TENM2: variants seen among roughly 807,000 people sequenced by gnomAD.
TENM2 encodes the protein teneurin-2.
TENM2 carries 52 observed loss-of-function variants against 245.2 expected under a neutral mutation model. That is an observed-to-expected ratio of 0.21 (90% CI 0.17 to 0.27). The LOEUF (loss-of-function observed/expected upper bound fraction) is 0.27. Ranked by LOEUF, TENM2 falls within the 10% of genes least tolerant of loss-of-function variation. The pLI, the probability that TENM2 is intolerant of heterozygous loss-of-function variation, is 1.00. For synonymous variants in TENM2, 1,363 were observed against 1,438.9 expected (o/e 0.95, Z 1.19); for missense variants, 3,046 against 3,666.8 (o/e 0.83, Z 4.37).
chr5:168,049,955 A>G (rs929275484), intron 6 of TENM2, among the ~76,000 whole-genome samples: 2 of 152,104 alleles, frequency 1.3e-5, no homozygotes, highest in Admixed American at 1.3e-4. Flanking sequence ...GGCATGTGCC[A>G]CCACGCCTGG....
rs547952299 is a variant in TENM2, at chr5:167,874,915, A to G, written c.503-1071A>G. ...CGAAAACCACAGTTATGGTGTCCCA[A>G]AAACCACATAATGAAGAGGGTGGGG... is the stretch of plus-strand genomic sequence containing the variant. On this transcript the variant is annotated intron_variant, in intron 2 of 28. Transcript: ENST00000518659. Among the ~76,000 whole-genome samples the G allele has an allele frequency of 1.1e-4, 16 of 152,322 alleles. No individual in the cohort carries two copies. In the South Asian group the frequency reaches 3.1e-3, roughly 30 times the overall value.
chr5:167,991,681 C>T lies in TENM2; in HGVS notation c.948-1263C>T, dbSNP rs141829991. ...GTTGTCACACCACAGCTCTGGCTAA[C>T]ACGGACACCTTATTCAATTGATAGG... On this transcript the variant is annotated intron_variant, in intron 4 of 28. Transcript: ENST00000518659. 7.5e-3 allele frequency among the ~76,000 whole-genome samples: 1,146 copies of T among 152,296 alleles called. 4 individuals carry two copies. Among genetic ancestry groups the T allele is most frequent in the Admixed American group, 0.012 (190 of 15,298 alleles).
At chr5:167,168,828 T>G in the TENM2 span, among the ~76,000 whole-genome samples, 1 of 152,184 alleles carries the variant, frequency 6.6e-6, no homozygotes, top group Non-Finnish European at 1.5e-5. Context: ...GGCACCGTCT[T>G]GGCTCACTGC....
chr5:167,702,799 G>C (rs1758254321), intron 2 of TENM2, among the ~76,000 whole-genome samples: 1 of 151,878 alleles, frequency 6.6e-6, no homozygotes, highest in Non-Finnish European at 1.5e-5. Context: ...CAAGTAGCTG[G>C]GATTACAGGC....
At chr5:167,787,365 G>A (rs1354146319) in intron 2 of TENM2, among the ~76,000 whole-genome samples, 1 of 152,192 alleles carries the variant, frequency 6.6e-6, no homozygotes, top group African/African-American at 2.4e-5. Flanking sequence ...GCAAATGAAA[G>A]AATTCTGACT....
the TENM2 span, among the ~76,000 whole-genome samples, chr5:167,029,292 C>G: frequency 0.45 from 68,946 of 151,910 alleles, 15,948 homozygotes; most frequent in Admixed American, 0.58. Context: ...AGATCCTTGA[C>G]CTGTACTATT....
At chr5:168,216,592 C>G (rs1763219597) in intron 21 of TENM2, among the ~76,000 whole-genome samples, 176 bp from the exon 24 acceptor site, 1 of 152,078 alleles carries the variant, frequency 6.6e-6, no homozygotes, top group African/African-American at 2.4e-5. Context: ...AGCACAGTGC[C>G]CATGGGAAAG....
chr5:168,144,201 T>C (rs1441469019), intron 12 of TENM2, among the ~76,000 whole-genome samples: 1 of 152,090 alleles, frequency 6.6e-6, no homozygotes. Flanking sequence ...TTATTATACT[T>C]TAAGTTTTAG....
At chr5:168,208,098 A>G (rs904965011) in intron 19 of TENM2, among the ~76,000 whole-genome samples, 2 of 152,102 alleles carry the variant, frequency 1.3e-5, no homozygotes, top group Non-Finnish European at 2.9e-5. Flanking sequence ...TATAGGGGGA[A>G]TTTCTCTCAT....
intron 2 of TENM2, among the ~76,000 whole-genome samples, chr5:167,641,211 T>C (rs565376584): frequency 3.3e-5 from 5 of 152,204 alleles, no homozygotes; most frequent in South Asian, 2.1e-4. Flanking sequence ...TAAAAGTTAA[T>C]ACTGCCTCAA....
At chr5:168,260,395 A>T (rs1768075293) in exon 28 of TENM2, 1 of 1,613,862 alleles carries the variant, frequency 6.2e-7, no homozygotes, top group African/African-American at 1.3e-5. Context: ...CAGAGAGTCA[A>T]GCAAGTGAGA....
chr5:168,162,783 G>A (rs921828386), intron 13 of TENM2, 26 bp downstream of exon 15: 1 of 1,610,764 alleles, frequency 6.2e-7, no homozygotes, highest in African/African-American at 1.3e-5. Context: ...CTCATTCCCA[G>A]CCCCTAAGAG....
Position 167,843,566 on chromosome 5 carries a change from T to G in TENM2, c.503-32420T>G, listed in dbSNP as rs116242731. On this transcript the variant is annotated intron_variant, in intron 2 of 28. Transcript: ENST00000518659. ...GTATTCTTAATATTTGTAGGGTTGG[T>G]GGGGGAGGGGGTACAAAATAATATT... 6.1e-3 allele frequency among the ~76,000 whole-genome samples: 931 copies of G among 152,128 alleles called. 7 individuals carry two copies. The highest frequency in any genetic ancestry group is 0.022 in the African/African-American group (892 of 41,474).
intron 7 of TENM2, among the ~76,000 whole-genome samples, chr5:168,088,877 C>G (rs1336770336): frequency 3.3e-5 from 5 of 152,120 alleles, no homozygotes; most frequent in African/African-American, 1.2e-4. Context: ...TAGGAGATTC[C>G]TGGAGTTTCA....
intron 2 of TENM2, among the ~76,000 whole-genome samples, chr5:167,528,190 A>C (rs903412619): frequency 6.6e-6 from 1 of 152,204 alleles, no homozygotes; most frequent in Non-Finnish European, 1.5e-5. Flanking sequence ...GCAGTGTGAC[A>C]GTCGTGTGCA....
At chr5:167,243,700 G>A in the TENM2 span, among the ~76,000 whole-genome samples, 1 of 151,994 alleles carries the variant, frequency 6.6e-6, no homozygotes, top group South Asian at 2.1e-4. Flanking sequence ...TTGAGATCTT[G>A]TGATATTAAT....
chr5:167,607,468 C>T (rs926083242), intron 2 of TENM2, among the ~76,000 whole-genome samples: 2 of 152,166 alleles, frequency 1.3e-5, no homozygotes, highest in African/African-American at 4.8e-5. Context: ...GCATAAATAC[C>T]ACATATGTGG....
At chr5:167,210,517 G>A in the TENM2 span, among the ~76,000 whole-genome samples, 1 of 137,434 alleles carries the variant, frequency 7.3e-6, no homozygotes, top group African/African-American at 2.9e-5. Flanking sequence ...ACTGCGGACT[G>A]CAGTGGCGCA....
chr5:167,556,043 C>G (rs1773241362), intron 2 of TENM2, among the ~76,000 whole-genome samples: 1 of 152,104 alleles, frequency 6.6e-6, no homozygotes, highest in African/African-American at 2.4e-5. Flanking sequence ...TATTAAATTT[C>G]CTATGAACAT....
Sources: allele counts gnomAD v4.1 joint callset (sites outside exome capture counted in the v4.1 genomes callset), GRCh38; gene constraint gnomAD v4.1.1; transcripts MANE v1.5; gene names NCBI Gene and HGNC (gene_info 2026-07-23, HGNC 2026-07-21).